TNRC6A: variants seen among roughly 807,000 people sequenced by gnomAD.
TNRC6A encodes trinucleotide repeat containing adaptor 6A.
Under a neutral mutation model 221.2 loss-of-function variants are expected in TNRC6A, and 44 were observed. That is an observed-to-expected ratio of 0.20 (90% CI 0.16 to 0.26). TNRC6A has a LOEUF of 0.26. TNRC6A is among the 10% of genes least tolerant of loss of function. TNRC6A has a pLI of 1.00. For synonymous variants in TNRC6A, 847 were observed against 838.5 expected (o/e 1.01, Z -0.18); for missense variants, 2,199 against 2,404.4 (o/e 0.91, Z 1.79).
At chr16:24,643,175 G>A (rs1902088054) in intron 2 of TNRC6A, among the ~76,000 whole-genome samples, 1 of 144,852 alleles carries the variant, frequency 6.9e-6, no homozygotes, top group Non-Finnish European at 1.5e-5. Flanking sequence ...CCATGGCCTG[G>A]GCTATAGAGG....
At chr16:24,670,940 G>T (rs1047530170) in intron 2 of TNRC6A, 2 of 383,064 alleles carry the variant, frequency 5.2e-6, no homozygotes, top group Non-Finnish European at 1.1e-5. Context: ...ATGCTGACAG[G>T]GGGTACCAGC....
chr16:24,821,049 T>C (rs1330389051), intron 22 of TNRC6A, among the ~76,000 whole-genome samples: 2 of 152,234 alleles, frequency 1.3e-5, no homozygotes, highest in African/African-American at 4.8e-5. Flanking sequence ...TCTGATTAAA[T>C]ATGTAATTTC....
intron 5 of TNRC6A, among the ~76,000 whole-genome samples, chr16:24,780,662 C>T (rs1021285328): frequency 4.6e-5 from 7 of 151,934 alleles, no homozygotes; most frequent in African/African-American, 1.2e-4. Context: ...AGAATACCTG[C>T]GAGTTTTTTC....
At chr16:24,702,175 C>CTT (rs1206941252) in intron 2 of TNRC6A, among the ~76,000 whole-genome samples, 6 of 22,294 alleles carry the variant, frequency 2.7e-4, no homozygotes, top group African/African-American at 1.0e-3. Flanking sequence ...TTTCTTTTTT[C>CTT]TTTTTTCTTT....
chr16:24,698,041 A>T (rs1298419139), intron 2 of TNRC6A, among the ~76,000 whole-genome samples: 2 of 150,892 alleles, frequency 1.3e-5, no homozygotes, highest in African/African-American at 2.4e-5. Flanking sequence ...AAAAAAAAAA[A>T]TGCAGGCCAG....
At chr16:24,673,384 T>G (rs1396120183) in intron 2 of TNRC6A, among the ~76,000 whole-genome samples, 1 of 152,120 alleles carries the variant, frequency 6.6e-6, no homozygotes, top group East Asian at 1.9e-4. Context: ...GTTCTGGAAC[T>G]GTGTTCCACA....
intron 2 of TNRC6A, among the ~76,000 whole-genome samples, chr16:24,735,182 T>C (rs2056736095): frequency 6.6e-6 from 1 of 152,188 alleles, no homozygotes; most frequent in African/African-American, 2.4e-5. Context: ...CTTGGGAGGC[T>C]GAGGCAGGAG....
At chr16:24,686,776 C>T (rs976184004) in intron 2 of TNRC6A, among the ~76,000 whole-genome samples, 14 of 152,280 alleles carry the variant, frequency 9.2e-5, no homozygotes, top group African/African-American at 2.6e-4. Flanking sequence ...ATGGCGTCAC[C>T]GTGGGAAGCC....
At chr16:24,769,198 GAT>G (rs1271850780) in intron 4 of TNRC6A, among the ~76,000 whole-genome samples, 1 of 151,934 alleles carries the variant, frequency 6.6e-6, no homozygotes, top group Non-Finnish European at 1.5e-5. Context: ...CTTACAGAAT[GAT>G]ATGTTTTTAT....
chr16:24,777,108 ACAGCCG>A lies in TNRC6A; in HGVS notation c.350_355del (p.Pro117_Gln118del), dbSNP rs749232867. On this transcript the variant is annotated inframe_deletion, in exon 5 of 25. Coordinates refer to ENST00000395799, the MANE Select transcript of TNRC6A (RefSeq NM_014494.4). ...AGCAGCAGCAGCCACAGCAGCAGCC[ACAGCCG>A]CAGCCGCAGCAGCAGCAGCCACAGC... 8 of 1,089,698 alleles carry A rather than the reference ACAGCCG, an allele frequency of 7.3e-6. No individual in the cohort carries two copies. The highest frequency in any genetic ancestry group is 3.3e-5 in the African/African-American group (2 of 60,704). 67.5% of individuals were successfully genotyped at this position (1,089,698 alleles called of 1,614,324 possible).
At chr16:24,696,707 C>T (rs1174322153) in intron 2 of TNRC6A, among the ~76,000 whole-genome samples, 1 of 110,830 alleles carries the variant, frequency 9.0e-6, no homozygotes, top group African/African-American at 3.6e-5. Flanking sequence ...ACAGCCTGGG[C>T]AACAGAGCGA....
At chr16:24,633,133 A>G (rs1310295305) in intron 1 of TNRC6A, among the ~76,000 whole-genome samples, 2 of 152,022 alleles carry the variant, frequency 1.3e-5, no homozygotes, top group Admixed American at 6.6e-5. Flanking sequence ...GCTGCTTTGC[A>G]GGTACTTGAA....
intron 2 of TNRC6A, among the ~76,000 whole-genome samples, chr16:24,698,021 C>CA (rs1290086269): frequency 0.068 from 5,312 of 78,372 alleles, 349 homozygotes; most frequent in East Asian, 0.31. Flanking sequence ...GGCTCTGTCT[C>CA]AAAAAAAAAA....
exon 1 of TNRC6A, chr16:24,610,219 C>A (rs559833929): frequency 6.6e-6 from 1 of 152,316 alleles, no homozygotes; most frequent in South Asian, 2.1e-4. Flanking sequence ...TGTGATGGCT[C>A]CGGTGATGTT....
At chr16:24,725,065 T>A (rs1309659195), upstream of TNRC6A, among the ~76,000 whole-genome samples, 2 of 152,206 alleles carry the variant, frequency 1.3e-5, no homozygotes. Flanking sequence ...AAAGGGCTTA[T>A]TTAAAATTAA....
chr16:24,706,386 G>A (rs1477092986), intron 2 of TNRC6A, among the ~76,000 whole-genome samples: 2 of 152,090 alleles, frequency 1.3e-5, no homozygotes, highest in African/African-American at 4.8e-5. Context: ...AGGTATTGAA[G>A]CACATTATAA....
intron 1 of TNRC6A, among the ~76,000 whole-genome samples, chr16:24,626,322 GAAA>G (rs1900987418): frequency 6.6e-6 from 1 of 151,690 alleles, no homozygotes; most frequent in African/African-American, 2.4e-5. Context: ...ACACACACAG[GAAA>G]AAAAGAACAT....
In TNRC6A at chr16:24,786,293, G is replaced by GTT. The variant is rs71383716; in HGVS notation, c.590-2931_590-2930dup. 1.2e-3 allele frequency among the ~76,000 whole-genome samples: 185 copies of GTT among 149,148 alleles called. 1 individual carries two copies. Among genetic ancestry groups the GTT allele is most frequent in the Admixed American group, 9.6e-3 (145 of 15,098 alleles). ...CAGATATAGTTCAGAGTCCTTTTTT[G>GTT]TTTTTTTTTGTTGTTGTTGTTGTTT... is the stretch of plus-strand genomic sequence containing the variant. On this transcript the variant is annotated intron_variant, in intron 5 of 24. Coordinates refer to ENST00000395799, the MANE Select transcript of TNRC6A (RefSeq NM_014494.4).
chr16:24,822,327 A>G (rs1212872025), intron 23 of TNRC6A, among the ~76,000 whole-genome samples, 180 bp downstream of exon 23: 1 of 152,206 alleles, frequency 6.6e-6, no homozygotes, highest in East Asian at 1.9e-4. Flanking sequence ...TCACGCTGTA[A>G]TGTGCCTGGG....
Sources: gnomAD v4.1 joint callset for allele counts (sites outside exome capture counted in the v4.1 genomes callset) on GRCh38, gnomAD v4.1.1 for gene constraint, MANE v1.5 for transcripts, NCBI Gene and HGNC (gene_info 2026-07-23, HGNC 2026-07-21) for gene names.